The following NTM variants were observed in gnomAD, a reference collection of about 807,000 sequenced individuals.
The protein encoded by NTM is neurotrimin.
In NTM, 13 loss-of-function variants were observed where a neutral mutation model predicts 42.1. That is an observed-to-expected ratio of 0.31 (90% CI 0.20 to 0.49). The LOEUF (loss-of-function observed/expected upper bound fraction) is 0.49. Among genes scored for constraint, NTM ranks in the 20% least tolerant of loss-of-function variants. The pLI, the probability that NTM is intolerant of heterozygous loss-of-function variation, is 0.99. For synonymous variants in NTM, 187 were observed against 179.2 expected, an observed-to-expected ratio of 1.04 and a Z score of -0.35; for missense variants, 373 against 452.8, an observed-to-expected ratio of 0.82 and a Z score of 1.60.
intron 4 of NTM, among the ~76,000 whole-genome samples, chr11:132,279,961 C>A (rs1310201918): frequency 6.6e-6 from 1 of 152,182 alleles, no homozygotes; most frequent in Non-Finnish European, 1.5e-5. Flanking sequence ...TGACCAATAA[C>A]TCCTACTATA....
chr11:132,278,122 ACT>A (rs1275928083), intron 4 of NTM, among the ~76,000 whole-genome samples: 2 of 152,072 alleles, frequency 1.3e-5, no homozygotes, highest in African/African-American at 4.8e-5. Flanking sequence ...TTAGTTCAAC[ACT>A]CTGCATCCTT....
chr11:131,825,445 G>T (rs1314209670), intron 1 of NTM, among the ~76,000 whole-genome samples: 1 of 152,106 alleles, frequency 6.6e-6, no homozygotes. Flanking sequence ...TGGATATGAG[G>T]CTAGCACTTG....
intron 1 of NTM, chr11:131,877,569 A>G (rs1183153968): frequency 6.6e-6 from 1 of 152,214 alleles, no homozygotes; most frequent in Non-Finnish European, 1.5e-5. Context: ...GCAGTCACAA[A>G]GCAATCATGA....
At chr11:131,887,181 T>A (rs1012680971) in intron 1 of NTM, among the ~76,000 whole-genome samples, 1 of 152,212 alleles carries the variant, frequency 6.6e-6, no homozygotes, top group Non-Finnish European at 1.5e-5. Context: ...TGTGATGTGA[T>A]GGATATGTTA....
chr11:132,111,608 C>A (rs1318969368), intron 2 of NTM, among the ~76,000 whole-genome samples: 1 of 152,092 alleles, frequency 6.6e-6, no homozygotes, highest in Non-Finnish European at 1.5e-5. Context: ...CACAGTATGC[C>A]CTGTGTAAGA....
chr11:131,528,579 GTGTT>G (rs1372982450), intron 1 of NTM, among the ~76,000 whole-genome samples: 2 of 152,196 alleles, frequency 1.3e-5, no homozygotes, highest in Non-Finnish European at 2.9e-5. Context: ...TTCTTATTCT[GTGTT>G]TGTTGAATGA....
At chr11:132,118,820 T>G (rs999735119) in intron 2 of NTM, among the ~76,000 whole-genome samples, 21 of 152,084 alleles carry the variant, frequency 1.4e-4, no homozygotes, top group African/African-American at 5.1e-4. Flanking sequence ...TTGCTTCAAA[T>G]GAAGTAAGTG....
At chr11:131,511,351 CATG>C (rs1174713011) in intron 1 of NTM, among the ~76,000 whole-genome samples, 2 of 152,204 alleles carry the variant, frequency 1.3e-5, no homozygotes, top group Non-Finnish European at 2.9e-5. Context: ...GCAGCAGTGC[CATG>C]CCCTAATTGA....
intron 1 of NTM, among the ~76,000 whole-genome samples, chr11:131,476,726 G>C (rs887039336): frequency 6.6e-6 from 1 of 152,012 alleles, no homozygotes; most frequent in Non-Finnish European, 1.5e-5. Context: ...GTTTAAGAGG[G>C]AACACTTTGA....
chr11:131,604,222 C>T (rs953230374), intron 1 of NTM, among the ~76,000 whole-genome samples: 6 of 152,084 alleles, frequency 3.9e-5, no homozygotes, highest in East Asian at 3.9e-4. Flanking sequence ...TAACCTTCCT[C>T]GTGGGTGTGA....
rs144514769 is a variant in NTM at position 131,808,177 on chromosome 11, T to A, written c.83-103387T>A. 1.4e-3 allele frequency among the ~76,000 whole-genome samples: 212 copies of A among 152,308 alleles called. 2 individuals are homozygous for A. The highest frequency in any genetic ancestry group is 4.8e-3 in the African/African-American group (198 of 41,564). On this transcript the variant is annotated intron_variant, in intron 1 of 8. Transcript: ENST00000683400. The stretch of plus-strand genomic sequence containing the variant: ...GGATTTATTATCTGACCCCTAGAAA[T>A]GCTATGTTCATGAATTGATACACAT...
At chr11:132,022,454 T>C (rs2074491765) in intron 2 of NTM, among the ~76,000 whole-genome samples, 1 of 152,212 alleles carries the variant, frequency 6.6e-6, no homozygotes. Context: ...TGATATTCGT[T>C]ATCACAGCTC....
chr11:131,795,515 C>A (rs993714761), intron 1 of NTM: 1 of 985,336 alleles, frequency 1.0e-6, no homozygotes, highest in South Asian at 4.7e-5. Context: ...CTTGTTTATT[C>A]GTCTGTCTCA....
chr11:131,817,580 C>A (rs1024580384), intron 1 of NTM, among the ~76,000 whole-genome samples: 1 of 152,142 alleles, frequency 6.6e-6, no homozygotes, highest in Non-Finnish European at 1.5e-5. Context: ...TTATTGGTGG[C>A]GGGGAGAGCC....
At chr11:132,228,589 C>T (rs1165982571) in intron 4 of NTM, among the ~76,000 whole-genome samples, 1 of 152,206 alleles carries the variant, frequency 6.6e-6, no homozygotes, top group African/African-American at 2.4e-5. Flanking sequence ...GCTTCCATCC[C>T]TCTCTGTACC....
chr11:131,994,302 G>A (rs2067585317), intron 2 of NTM, among the ~76,000 whole-genome samples: 1 of 152,094 alleles, frequency 6.6e-6, no homozygotes, highest in African/African-American at 2.4e-5. Context: ...GGGTGGGAAG[G>A]GAGTTCTGAA....
chr11:131,504,417 C>A (rs114917305), intron 1 of NTM, among the ~76,000 whole-genome samples: 1 of 152,294 alleles, frequency 6.6e-6, no homozygotes, highest in African/African-American at 2.4e-5. Context: ...CCCAGCTCAG[C>A]CCTGGTAAAC....
intron 4 of NTM, among the ~76,000 whole-genome samples, chr11:132,243,066 A>G (rs770548529): frequency 1.6e-4 from 24 of 152,190 alleles, no homozygotes; most frequent in Non-Finnish European, 3.1e-4. Context: ...AGCTTAAGCT[A>G]TAAAGGTGAG....
At chr11:131,551,909 A>G (rs1467023299) in intron 1 of NTM, among the ~76,000 whole-genome samples, 2 of 152,178 alleles carry the variant, frequency 1.3e-5, no homozygotes, top group Non-Finnish European at 2.9e-5. Context: ...GGCATGGCAG[A>G]AAAGAGGCGC....
Sources: gnomAD v4.1 joint callset for allele counts (sites outside exome capture counted in the v4.1 genomes callset) on GRCh38, gnomAD v4.1.1 for gene constraint, MANE v1.5 for transcripts, NCBI Gene and HGNC (gene_info 2026-07-23, HGNC 2026-07-21) for gene names.